Variants in CWH43 observed in about 807,000 individuals in gnomAD.
CWH43 encodes PGAP2-interacting protein.
CWH43 carries 91 observed loss-of-function variants against 85.7 expected under a neutral mutation model. The observed-to-expected ratio is 1.06, with a 90% CI of 0.90 to 1.26. The LOEUF is 1.26. Ranked by LOEUF, CWH43 falls within the 50% of genes most tolerant of loss-of-function variation. The probability of loss-of-function intolerance (pLI) is 0.00; values close to 1 mark genes in which losing one functional copy is unlikely to be tolerated. For missense variants in CWH43, 869 were observed against 839.2 expected (o/e 1.04, Z -0.44); for synonymous variants, 323 against 293.6 (o/e 1.10, Z -1.02).
intron 11 of CWH43, among the ~76,000 whole-genome samples, chr4:49,032,094 C>G (rs1336190434): frequency 6.6e-6 from 1 of 152,192 alleles, no homozygotes; most frequent in Non-Finnish European, 1.5e-5. Flanking sequence ...GGAAGAGAAG[C>G]CTGCCAAGGA....
At chr4:49,042,229 C>T (rs910796842) in intron 13 of CWH43, among the ~76,000 whole-genome samples, 26 of 152,020 alleles carry the variant, frequency 1.7e-4, no homozygotes, top group African/African-American at 5.1e-4. Context: ...GCTGTGGACC[C>T]GGGTTCCTCA....
intron 4 of CWH43, among the ~76,000 whole-genome samples, chr4:48,994,293 A>G (rs912678835): frequency 1.3e-5 from 2 of 152,158 alleles, no homozygotes; most frequent in African/African-American, 4.8e-5. Flanking sequence ...CAATTTGTAC[A>G]ACATTTGTTC....
At chr4:49,000,173 T>C (rs894400731) in intron 6 of CWH43, among the ~76,000 whole-genome samples, 1 of 152,172 alleles carries the variant, frequency 6.6e-6, no homozygotes, top group Admixed American at 6.6e-5. Context: ...CTCTAGGTGC[T>C]GTGTGTGGGT....
At chr4:49,032,820 C>T (rs1181860518) in intron 12 of CWH43, 105 bp downstream of exon 12, 9 of 1,385,644 alleles carry the variant, frequency 6.5e-6, no homozygotes, top group Non-Finnish European at 9.0e-6. Context: ...TTCTTTTTTA[C>T]CTCCCAAAGT....
At chr4:48,987,592 G>A (rs1372490446) in intron 1 of CWH43, among the ~76,000 whole-genome samples, 3 of 151,986 alleles carry the variant, frequency 2.0e-5, no homozygotes, top group East Asian at 1.9e-4. Flanking sequence ...AGAGGGGAGC[G>A]GAAATAGTAC....
intron 15 of CWH43, among the ~76,000 whole-genome samples, 165 bp downstream of exon 15, chr4:49,051,014 C>T (rs1370300425): frequency 1.3e-5 from 2 of 152,242 alleles, no homozygotes; most frequent in Non-Finnish European, 2.9e-5. Flanking sequence ...GTTGAAGTTA[C>T]GGTGCTTGCT....
intron 15 of CWH43, among the ~76,000 whole-genome samples, chr4:49,055,963 G>T (rs1330515173): frequency 7.1e-6 from 1 of 141,174 alleles, no homozygotes; most frequent in Non-Finnish European, 1.5e-5. Context: ...TGTGCACATT[G>T]TGCAGGTTAG....
At chr4:49,017,684 A>G (rs1050536165) in intron 9 of CWH43, among the ~76,000 whole-genome samples, 15 of 152,154 alleles carry the variant, frequency 9.9e-5, no homozygotes. Context: ...TAATTATCCC[A>G]TGGTTCTACA....
At chr4:49,016,847 C>T in intron 8 of CWH43, 1 of 781,072 alleles carries the variant, frequency 1.3e-6, no homozygotes, top group Admixed American at 1.7e-5. Flanking sequence ...CATCTGACTC[C>T]CCAAAGACAT....
chr4:49,050,470 T>G (rs1784758171), intron 14 of CWH43, among the ~76,000 whole-genome samples: 1 of 152,208 alleles, frequency 6.6e-6, no homozygotes, highest in African/African-American at 2.4e-5. Flanking sequence ...TTGCTAAGAA[T>G]AGTTACTTAA....
intron 1 of CWH43, among the ~76,000 whole-genome samples, chr4:48,987,785 T>A (rs940061336): frequency 1.3e-5 from 2 of 152,194 alleles, no homozygotes; most frequent in Admixed American, 1.3e-4. Flanking sequence ...TACCCAGCAC[T>A]GCCTCATAAG....
rs1439631144 is a variant in CWH43, at chr4:49,030,630, T to A, written c.1373-195T>A. On this transcript the variant is annotated intron_variant, in intron 10 of 15. Coordinates refer to ENST00000226432, the MANE Select transcript of CWH43 (RefSeq NM_025087.3). ...TCCTGGAGGTGTTTCATGTTTTAAT[T>A]GCATTCTAAACGTGGGGAAATTCCT... 2.0e-5 allele frequency among the ~76,000 whole-genome samples: 3 copies of A among 152,230 alleles called. No homozygotes were observed. The East Asian group carries it at 5.8e-4, about 29-fold the overall frequency.
intron 6 of CWH43, among the ~76,000 whole-genome samples, chr4:49,003,151 T>G (rs1783046490): frequency 6.6e-6 from 1 of 152,324 alleles, no homozygotes; most frequent in Middle Eastern, 3.4e-3. Flanking sequence ...GCATAGCTCC[T>G]GACACCTAGC....
intron 8 of CWH43, chr4:49,017,008 A>G (rs919636136): frequency 9.1e-6 from 7 of 771,956 alleles, no homozygotes; most frequent in South Asian, 2.7e-5. Context: ...TGCTGGGTGA[A>G]GTCGATATAG....
At chr4:49,047,702 C>T (rs530160187) in intron 14 of CWH43, among the ~76,000 whole-genome samples, 6 of 151,476 alleles carry the variant, frequency 4.0e-5, no homozygotes, top group East Asian at 1.9e-4. Flanking sequence ...GAGGGGCGGC[C>T]GAGGAGGGAA....
intron 12 of CWH43, among the ~76,000 whole-genome samples, chr4:49,034,271 C>G (rs991331342): frequency 1.3e-5 from 2 of 152,110 alleles, no homozygotes; most frequent in African/African-American, 4.8e-5. Context: ...TTGTACTTAA[C>G]ATTGGGTTTA....
intron 11 of CWH43, 138 bp downstream of exon 11, chr4:49,031,098 G>A: frequency 1.3e-6 from 1 of 758,812 alleles, no homozygotes; most frequent in Non-Finnish European, 2.0e-6. Flanking sequence ...GGAGGTGCTG[G>A]AGATATGCAC....
chr4:48,986,389 C>T lies in CWH43; in HGVS notation c.-41C>T, dbSNP rs1287169171. 3.2e-6 allele frequency: 5 copies of T among 1,544,108 alleles called. No homozygotes were observed. The Admixed American group carries it at 9.9e-5, about 30-fold the overall frequency. The stretch of plus-strand genomic sequence containing the variant: ...GCAGGGCTAGGGCAGCGGGCCCGAC[C>T]CGCACGGCTTTCCTGGAAAGCGCTG... On this transcript the variant is annotated 5_prime_UTR_variant, in exon 1 of 16. Coordinates refer to ENST00000226432, the MANE Select transcript of CWH43 (RefSeq NM_025087.3).
intron 8 of CWH43, among the ~76,000 whole-genome samples, chr4:49,015,842 C>A (rs1162122993): frequency 1.3e-5 from 2 of 151,920 alleles, no homozygotes; most frequent in Non-Finnish European, 2.9e-5. Flanking sequence ...ATTTCTAGAA[C>A]TCTATTTGAT....
Sources: allele counts gnomAD v4.1 joint callset (sites outside exome capture counted in the v4.1 genomes callset), GRCh38; gene constraint gnomAD v4.1.1; transcripts MANE v1.5; gene names NCBI Gene and HGNC (gene_info 2026-07-23, HGNC 2026-07-21).